Variants in MAST4 observed in about 807,000 individuals in gnomAD.
MAST4 encodes the protein microtubule associated serine/threonine kinase family member 4.
Under a neutral mutation model 162.7 loss-of-function variants are expected in MAST4, and 89 were observed. The ratio of observed to expected loss-of-function variants is 0.55; its 90% CI spans 0.46 to 0.65. MAST4 has a LOEUF of 0.65. MAST4 is among the 30% of genes least tolerant of loss of function. MAST4 has a pLI of 0.00. For missense variants in MAST4, 3,153 were observed against 3,374.0 expected (o/e 0.93, Z 1.62); for synonymous variants, 1,479 against 1,361.1 (o/e 1.09, Z -1.91).
intron 3 of MAST4, among the ~76,000 whole-genome samples, chr5:66,827,883 T>G (rs911575873): frequency 1.3e-5 from 2 of 152,214 alleles, no homozygotes; most frequent in Non-Finnish European, 2.9e-5. Flanking sequence ...TCGTATGTTG[T>G]TACTCCTGTG....
chr5:66,903,714 G>T (rs534669280), intron 4 of MAST4, among the ~76,000 whole-genome samples: 1 of 152,296 alleles, frequency 6.6e-6, no homozygotes, highest in East Asian at 1.9e-4. Flanking sequence ...AACTAGATTT[G>T]TTGCCTTAGA....
At chr5:66,940,085 G>GTA (rs1040107919) in intron 4 of MAST4, among the ~76,000 whole-genome samples, 11 of 151,994 alleles carry the variant, frequency 7.2e-5, no homozygotes, top group African/African-American at 1.7e-4. Flanking sequence ...ATATGTATGT[G>GTA]TATATATATG....
At chr5:67,096,408 T>G (rs1172959215) in intron 7 of MAST4, among the ~76,000 whole-genome samples, 1 of 152,200 alleles carries the variant, frequency 6.6e-6, no homozygotes, top group Non-Finnish European at 1.5e-5. Flanking sequence ...AAGGGCCTAG[T>G]AGATTGCAGG....
At chr5:66,621,868 G>A (rs75294660) in intron 1 of MAST4, among the ~76,000 whole-genome samples, 1,895 of 152,276 alleles carry the variant, frequency 0.012, 48 homozygotes, top group African/African-American at 0.043. Flanking sequence ...TCTATAGAGG[G>A]CCAAATAGTA....
At chr5:66,678,695 A>G (rs984063456) in intron 1 of MAST4, among the ~76,000 whole-genome samples, 1 of 151,820 alleles carries the variant, frequency 6.6e-6, no homozygotes, top group Non-Finnish European at 1.5e-5. Context: ...GGGTTTCACC[A>G]TGTTGGCCAC....
At chr5:67,117,287 CAT>C (rs1767032777) in intron 12 of MAST4, among the ~76,000 whole-genome samples, 1 of 152,108 alleles carries the variant, frequency 6.6e-6, no homozygotes, top group Non-Finnish European at 1.5e-5. Context: ...GAAGAAAGGA[CAT>C]AGTTTGTGCT....
At chr5:66,714,873 T>C (rs1750721679) in intron 1 of MAST4, among the ~76,000 whole-genome samples, 1 of 152,252 alleles carries the variant, frequency 6.6e-6, no homozygotes, top group Non-Finnish European at 1.5e-5. Flanking sequence ...TGTTTGGTCC[T>C]CTGCCCTAGT....
chr5:66,747,299 T>A (rs1369656368), intron 1 of MAST4, among the ~76,000 whole-genome samples: 1 of 152,194 alleles, frequency 6.6e-6, no homozygotes, highest in Non-Finnish European at 1.5e-5. Flanking sequence ...AATGCCACTG[T>A]AGTTTGATCT....
intron 5 of MAST4, among the ~76,000 whole-genome samples, chr5:67,061,336 C>T (rs1286092889): frequency 6.6e-6 from 1 of 152,194 alleles, no homozygotes; most frequent in Non-Finnish European, 1.5e-5. Flanking sequence ...AGACATTTTC[C>T]ATACTCATTA....
intron 3 of MAST4, among the ~76,000 whole-genome samples, chr5:66,831,257 T>C (rs1757576343): frequency 6.6e-6 from 1 of 152,300 alleles, no homozygotes; most frequent in East Asian, 1.9e-4. Context: ...AGAACAGTTA[T>C]CAGTAAACCT....
intron 3 of MAST4, among the ~76,000 whole-genome samples, chr5:66,806,492 A>G (rs1474611659): frequency 6.6e-6 from 1 of 152,202 alleles, no homozygotes; most frequent in Non-Finnish European, 1.5e-5. Context: ...TTAAGAGGGA[A>G]AGACTGGGAA....
intron 28 of MAST4, 23 bp downstream of exon 28, chr5:67,162,811 ACAG>A (rs771660813): frequency 5.6e-5 from 90 of 1,608,306 alleles, no homozygotes; most frequent in Non-Finnish European, 7.1e-5. Context: ...CCTGGTCTAA[ACAG>A]CAGAGGGGAG....
intron 5 of MAST4, among the ~76,000 whole-genome samples, chr5:67,068,850 T>C (rs1036774212): frequency 2.0e-5 from 3 of 152,112 alleles, no homozygotes; most frequent in East Asian, 3.9e-4. Flanking sequence ...AATAGTAAGC[T>C]AACAGGTCTC....
At chr5:67,033,550 C>G (rs896755006) in intron 4 of MAST4, among the ~76,000 whole-genome samples, 5 of 152,206 alleles carry the variant, frequency 3.3e-5, no homozygotes, top group East Asian at 3.9e-4. Context: ...GCAGCAGATT[C>G]AGAAGTAGCT....
chr5:66,791,052 TC>T (rs1219509359), intron 3 of MAST4, among the ~76,000 whole-genome samples: 2 of 152,072 alleles, frequency 1.3e-5, no homozygotes, highest in African/African-American at 4.8e-5. Flanking sequence ...AGATGGAGTT[TC>T]GCTCCTGTTG....
intron 1 of MAST4, chr5:66,738,371 A>T (rs1422047498): frequency 6.6e-6 from 1 of 152,376 alleles, no homozygotes; most frequent in East Asian, 1.9e-4. Flanking sequence ...GCCCTGTCCA[A>T]CTGCAAGGAG....
intron 4 of MAST4, among the ~76,000 whole-genome samples, chr5:66,949,598 A>G (rs1243167546): frequency 6.6e-6 from 1 of 152,186 alleles, no homozygotes; most frequent in Non-Finnish European, 1.5e-5. Context: ...AGGTATGTCT[A>G]TTAGCAGAGT....
At chr5:67,161,380 G>A (rs1773167251) in intron 27 of MAST4, among the ~76,000 whole-genome samples, 1 of 152,174 alleles carries the variant, frequency 6.6e-6, no homozygotes, top group Admixed American at 6.5e-5. Flanking sequence ...TGGCCCAGCT[G>A]TGAACAATAT....
chr5:67,142,634 T>A (rs1015264168), intron 21 of MAST4, 101 bp downstream of exon 21: 48 of 782,764 alleles, frequency 6.1e-5, no homozygotes, highest in Non-Finnish European at 9.4e-5. Flanking sequence ...TTTTCCAGGG[T>A]TTGAGGTCTC....
Sources: gnomAD v4.1 joint callset for allele counts (sites outside exome capture counted in the v4.1 genomes callset) on GRCh38, gnomAD v4.1.1 for gene constraint, MANE v1.5 for transcripts, NCBI Gene and HGNC (gene_info 2026-07-23, HGNC 2026-07-21) for gene names.